The following PTPRD variants were observed in gnomAD, a reference collection of about 807,000 sequenced individuals.
The protein encoded by PTPRD is protein tyrosine phosphatase receptor type D.
Under a neutral mutation model 214.5 loss-of-function variants are expected in PTPRD, and 34 were observed. That is an observed-to-expected ratio of 0.16 (90% CI 0.12 to 0.21). The LOEUF (loss-of-function observed/expected upper bound fraction) is 0.21, where lower values mean the gene tolerates loss of function less well. Among genes scored for constraint, PTPRD ranks in the 10% least tolerant of loss-of-function variants. PTPRD has a pLI of 1.00. For synonymous variants in PTPRD, 1,128 were observed against 845.7 expected (o/e 1.33, Z -5.79); for missense variants, 2,545 against 2,398.7 (o/e 1.06, Z -1.27).
At chr9:8,666,203 A>G (rs1021530490) in intron 12 of PTPRD, among the ~76,000 whole-genome samples, 1 of 152,192 alleles carries the variant, frequency 6.6e-6, no homozygotes, top group Non-Finnish European at 1.5e-5. Flanking sequence ...TGCTGTAGAA[A>G]AGTGTCAACA....
At chr9:9,394,169 G>A (rs2066895514) in intron 9 of PTPRD, among the ~76,000 whole-genome samples, 1 of 152,066 alleles carries the variant, frequency 6.6e-6, no homozygotes, top group Admixed American at 6.6e-5. Context: ...TTACTAAACA[G>A]GTAAAGAGAT....
intron 5 of PTPRD, among the ~76,000 whole-genome samples, chr9:9,927,166 A>G (rs932866453): frequency 2.0e-5 from 3 of 152,174 alleles, no homozygotes; most frequent in Non-Finnish European, 4.4e-5. Flanking sequence ...ATATTAGAAT[A>G]TTTAAAAGCA....
At chr9:9,549,173 T>C (rs2079571993) in intron 8 of PTPRD, among the ~76,000 whole-genome samples, 1 of 152,124 alleles carries the variant, frequency 6.6e-6, no homozygotes. Context: ...GCTTAATCAT[T>C]TTTTAAAATT....
Position 8,470,899 on chromosome 9 carries a change from C to G in PTPRD, c.3504+96G>C, listed in dbSNP as rs915530685. ...CCAGCTAGGTATGGAGAAGCCAGCA[C>G]CCAGATTAGATCCTGAAAGGCCTCC... On this transcript the variant is annotated intron_variant, in intron 31 of 45. Coordinates refer to ENST00000381196, the MANE Select transcript of PTPRD (RefSeq NM_002839.4). 3 of 1,078,262 alleles carry G rather than the reference C, an allele frequency of 2.8e-6. No individual in the cohort carries two copies. In the African/African-American group the frequency reaches 4.7e-5, roughly 17 times the overall value. 66.8% of individuals were successfully genotyped at this position (1,078,262 alleles called of 1,614,324 possible).
intron 9 of PTPRD, among the ~76,000 whole-genome samples, chr9:9,365,780 A>G (rs181045176): frequency 6.6e-6 from 1 of 151,404 alleles, no homozygotes; most frequent in East Asian, 1.9e-4. Flanking sequence ...GGGTCTCTCA[A>G]ACAGACATTT....
intron 3 of PTPRD, among the ~76,000 whole-genome samples, chr9:10,095,312 T>C (rs1324023894): frequency 6.6e-6 from 1 of 151,514 alleles, no homozygotes; most frequent in Admixed American, 6.6e-5. Context: ...TAATATAGAC[T>C]ACTTCATTAC....
chr9:10,411,027 C>T (rs567044363), intron 2 of PTPRD, among the ~76,000 whole-genome samples: 6 of 151,776 alleles, frequency 4.0e-5, no homozygotes, highest in South Asian at 2.1e-4. Context: ...GGCACTAGTA[C>T]GGAGCCTGGC....
intron 27 of PTPRD, among the ~76,000 whole-genome samples, chr9:8,489,648 A>T (rs2097108776): frequency 6.6e-6 from 1 of 152,198 alleles, no homozygotes; most frequent in Non-Finnish European, 1.5e-5. Flanking sequence ...GAAACAGTAA[A>T]TGCAGTTTAA....
At chr9:9,877,945 C>G (rs976529877) in intron 5 of PTPRD, among the ~76,000 whole-genome samples, 1 of 143,754 alleles carries the variant, frequency 7.0e-6, no homozygotes, top group Non-Finnish European at 1.5e-5. Context: ...TGCACTCCAA[C>G]CTGGGCAACA....
chr9:9,370,292 A>C (rs1303814111), intron 9 of PTPRD, among the ~76,000 whole-genome samples: 1 of 152,006 alleles, frequency 6.6e-6, no homozygotes, highest in Non-Finnish European at 1.5e-5. Context: ...TTCCCTGAGC[A>C]GTGGTTTGTA....
chr9:9,915,035 C>T (rs191603703), intron 5 of PTPRD, among the ~76,000 whole-genome samples: 36 of 152,230 alleles, frequency 2.4e-4, no homozygotes, highest in Non-Finnish European at 3.7e-4. Context: ...AAAAATAGCC[C>T]GGTGAGCCAA....
chr9:9,720,936 G>C (rs1458031178), intron 7 of PTPRD, among the ~76,000 whole-genome samples: 1 of 152,040 alleles, frequency 6.6e-6, no homozygotes, highest in Non-Finnish European at 1.5e-5. Context: ...TAAATGTTAA[G>C]AACTCATGGA....
At chr9:10,168,019 T>C (rs1564275834) in intron 3 of PTPRD, among the ~76,000 whole-genome samples, 1 of 152,098 alleles carries the variant, frequency 6.6e-6, no homozygotes, top group Non-Finnish European at 1.5e-5. Context: ...TCCTTGGAAG[T>C]GAGGGTAGGA....
intron 8 of PTPRD, among the ~76,000 whole-genome samples, chr9:9,479,944 G>T (rs1589475309): frequency 6.6e-6 from 1 of 152,072 alleles, no homozygotes. Context: ...AAATCTGACA[G>T]GCTACTCAGA....
chr9:9,991,832 CCACA>C (rs56267970), intron 4 of PTPRD, among the ~76,000 whole-genome samples: 44,231 of 147,364 alleles, frequency 0.3, 7,473 homozygotes, highest in Non-Finnish European at 0.38. Context: ...TTCAACAGCA[CCACA>C]CACACACACA....
At chr9:10,552,379 CA>C (rs1309828836) in intron 2 of PTPRD, among the ~76,000 whole-genome samples, 1 of 152,074 alleles carries the variant, frequency 6.6e-6, no homozygotes, top group African/African-American at 2.4e-5. Context: ...CTTAATTTTG[CA>C]ATCACAGAGA....
chr9:8,428,281 C>G (rs972904189), intron 35 of PTPRD, among the ~76,000 whole-genome samples: 13 of 152,112 alleles, frequency 8.5e-5, no homozygotes, highest in Admixed American at 2.0e-4. Flanking sequence ...AAGACTCTCC[C>G]ACACCCACCT....
intron 12 of PTPRD, among the ~76,000 whole-genome samples, chr9:8,653,835 T>C (rs2096859272): frequency 6.6e-6 from 1 of 152,170 alleles, no homozygotes; most frequent in Non-Finnish European, 1.5e-5. Context: ...CATTTTTCCC[T>C]TTATCTTATT....
chr9:8,363,006 C>T (rs2133969866), intron 39 of PTPRD, among the ~76,000 whole-genome samples: 1 of 152,210 alleles, frequency 6.6e-6, no homozygotes, highest in East Asian at 1.9e-4. Context: ...TTAAAATTGC[C>T]TACTATATAT....
Sources: gnomAD v4.1 joint callset for allele counts (sites outside exome capture counted in the v4.1 genomes callset) on GRCh38, gnomAD v4.1.1 for gene constraint, MANE v1.5 for transcripts, NCBI Gene and HGNC (gene_info 2026-07-23, HGNC 2026-07-21) for gene names.